CDH9: variants seen among roughly 807,000 people sequenced by gnomAD.
CDH9 encodes the protein cadherin-9.
CDH9 carries 28 observed loss-of-function variants against 70.9 expected under a neutral mutation model. The observed-to-expected ratio is 0.40, with a 90% CI of 0.29 to 0.54. The LOEUF (loss-of-function observed/expected upper bound fraction) is 0.54. Among genes scored for constraint, CDH9 ranks in the 20% least tolerant of loss-of-function variants. The pLI is 0.59. For synonymous variants in CDH9, 409 were observed against 343.1 expected, an observed-to-expected ratio of 1.19 and a Z score of -2.12; for missense variants, 874 against 984.4, an observed-to-expected ratio of 0.89 and a Z score of 1.50.
At chr5:26,986,075 AAG>A (rs1257219660) in intron 2 of CDH9, among the ~76,000 whole-genome samples, 1 of 152,060 alleles carries the variant, frequency 6.6e-6, no homozygotes, top group Non-Finnish European at 1.5e-5. Context: ...AAAAAAAAGA[AAG>A]AGTTTTTTCT....
chr5:26,918,642 C>T (rs773602656), intron 2 of CDH9, among the ~76,000 whole-genome samples: 24 of 152,186 alleles, frequency 1.6e-4, no homozygotes, highest in Non-Finnish European at 3.1e-4. Flanking sequence ...GGTGACTAGT[C>T]TTTAAACAAT....
chr5:27,021,342 TC>T (rs34107165), intron 1 of CDH9, among the ~76,000 whole-genome samples: 2 of 151,648 alleles, frequency 1.3e-5, no homozygotes, highest in East Asian at 1.9e-4. Context: ...AATTGTATAT[TC>T]CCCCAGAAGA....
intron 2 of CDH9, among the ~76,000 whole-genome samples, chr5:26,933,079 C>A (rs1423412655): frequency 3.4e-5 from 5 of 145,574 alleles, no homozygotes; most frequent in Non-Finnish European, 7.5e-5. Context: ...TTATATTATA[C>A]AAATATAATT....
chr5:26,957,050 CTGAG>C (rs970954864), intron 2 of CDH9, among the ~76,000 whole-genome samples: 2 of 147,940 alleles, frequency 1.4e-5, no homozygotes, highest in Non-Finnish European at 3.0e-5. Context: ...CTTTGATACC[CTGAG>C]TATTTATTTT....
intron 2 of CDH9, among the ~76,000 whole-genome samples, chr5:26,960,893 T>C (rs975789124): frequency 6.6e-6 from 1 of 152,076 alleles, no homozygotes; most frequent in Non-Finnish European, 1.5e-5. Flanking sequence ...AACATATAAA[T>C]TACTTTGTAT....
intron 2 of CDH9, among the ~76,000 whole-genome samples, chr5:26,955,668 A>G (rs549434472): frequency 1.8e-4 from 27 of 152,114 alleles, no homozygotes; most frequent in Admixed American, 6.5e-4. Context: ...TTTGTTATAA[A>G]TGGCACTAGA....
intron 7 of CDH9, among the ~76,000 whole-genome samples, chr5:26,891,891 C>T (rs1051477879): frequency 3.9e-5 from 6 of 152,106 alleles, no homozygotes; most frequent in African/African-American, 1.4e-4. Flanking sequence ...AGCTGACATC[C>T]AGCAAGGAAA....
intron 1 of CDH9, among the ~76,000 whole-genome samples, chr5:27,023,244 T>G (rs1013093914): frequency 6.6e-6 from 1 of 152,078 alleles, no homozygotes; most frequent in Non-Finnish European, 1.5e-5. Context: ...TAGTTAACTC[T>G]TTAGTACTGG....
intron 1 of CDH9, among the ~76,000 whole-genome samples, chr5:27,010,101 C>G (rs957402389): frequency 6.6e-6 from 1 of 152,078 alleles, no homozygotes; most frequent in Non-Finnish European, 1.5e-5. Context: ...ATCCTGTTAA[C>G]AAATTGTTAA....
chr5:26,930,039 G>A (rs1394918216), intron 2 of CDH9, among the ~76,000 whole-genome samples: 1 of 151,900 alleles, frequency 6.6e-6, no homozygotes. Flanking sequence ...TTAAGGTAGT[G>A]GACATGCCAT....
chr5:26,889,772 G>A, intron 9 of CDH9, 64 bp downstream of exon 9: 1 of 955,834 alleles, frequency 1.0e-6, no homozygotes, highest in South Asian at 1.6e-5. Context: ...ATAAAGTGAT[G>A]TAATGTCATT....
At chr5:26,913,392 T>G (rs1006041946) in intron 3 of CDH9, among the ~76,000 whole-genome samples, 1 of 152,144 alleles carries the variant, frequency 6.6e-6, no homozygotes, top group South Asian at 2.1e-4. Context: ...AGAATAACAA[T>G]TGTCCTCTAC....
intron 2 of CDH9, among the ~76,000 whole-genome samples, chr5:26,985,155 AC>A (rs1742467526): frequency 6.6e-6 from 1 of 152,142 alleles, no homozygotes; most frequent in Non-Finnish European, 1.5e-5. Flanking sequence ...TGAAGGTCTA[AC>A]TTTATCCTAT....
In CDH9 at chr5:26,965,248, CA is replaced by C. The variant is rs577633175; in HGVS notation, c.228+22857del. On this transcript the variant is annotated intron_variant, in intron 2 of 11. Transcript: ENST00000231021. ...CATTAATAATGATATTTACACAGGC[CA>C]AATCTATTAAATAGCTTCTTGTATT... 1.5e-4 allele frequency among the ~76,000 whole-genome samples: 23 copies of C among 152,086 alleles called. No individual in the cohort carries two copies. In the South Asian group the frequency reaches 3.5e-3, roughly 23 times the overall value.
chr5:27,035,713 T>TGG (rs1345933574), intron 1 of CDH9, among the ~76,000 whole-genome samples: 1 of 149,830 alleles, frequency 6.7e-6, no homozygotes, highest in Non-Finnish European at 1.5e-5. Flanking sequence ...TGTGTGTGGG[T>TGG]GTGTGTGGGT....
intron 7 of CDH9, among the ~76,000 whole-genome samples, chr5:26,893,877 T>C (rs1175423816): frequency 6.6e-6 from 1 of 152,110 alleles, no homozygotes; most frequent in Non-Finnish European, 1.5e-5. Flanking sequence ...TGAAACAAAA[T>C]ATTATGTTTC....
intron 2 of CDH9, among the ~76,000 whole-genome samples, chr5:26,949,919 G>A (rs917538015): frequency 6.6e-6 from 1 of 152,166 alleles, no homozygotes; most frequent in Non-Finnish European, 1.5e-5. Context: ...TAAAAAGAAA[G>A]GTTATGAGAT....
At chr5:26,953,269 A>G (rs1469123273) in intron 2 of CDH9, among the ~76,000 whole-genome samples, 1 of 152,224 alleles carries the variant, frequency 6.6e-6, no homozygotes, top group Non-Finnish European at 1.5e-5. Flanking sequence ...TGAAAATGTA[A>G]CTATTATTCT....
intron 6 of CDH9, 53 bp from the exon 7 acceptor site, chr5:26,902,782 G>A: frequency 2.8e-6 from 3 of 1,086,142 alleles, no homozygotes; most frequent in Non-Finnish European, 4.0e-6. Context: ...ATATGACAAT[G>A]AAAGACGATT....
Sources: allele counts gnomAD v4.1 joint callset (sites outside exome capture counted in the v4.1 genomes callset), GRCh38; gene constraint gnomAD v4.1.1; transcripts MANE v1.5; gene names NCBI Gene and HGNC (gene_info 2026-07-23, HGNC 2026-07-21).